MTMR10: variants seen among roughly 807,000 people sequenced by gnomAD.
MTMR10 encodes the protein myotubularin related protein 10.
MTMR10 carries 56 observed loss-of-function variants against 88.1 expected under a neutral mutation model. The ratio of observed to expected loss-of-function variants is 0.64; its 90% confidence interval spans 0.51 to 0.79. The LOEUF is 0.79. Ranked by LOEUF, MTMR10 falls within the 30% of genes least tolerant of loss-of-function variation. The pLI is 0.00. For missense variants in MTMR10, 883 were observed against 924.7 expected (o/e 0.95, Z 0.58); for synonymous variants, 380 against 340.9 (o/e 1.11, Z -1.26).
rs768723181 is a variant in MTMR10 at position 30,954,743 on chromosome 15, T to G, written c.1066+20A>C. 1 of 1,579,256 alleles carries G rather than the reference T, an allele frequency of 6.3e-7. No individual in the cohort carries two copies. The highest frequency in any genetic ancestry group is 1.2e-5 in the South Asian group (1 of 84,700). On this transcript the variant is annotated intron_variant, in intron 10 of 15. Coordinates refer to ENST00000435680, the MANE Select transcript of MTMR10 (RefSeq NM_017762.3). ...CTGTATCCTGTGTTCATTATATATATGAAATAAGAATGAAATTACCATTAA... is the reference window on the plus strand; with the variant it reads ...CTGTATCCTGTGTTCATTATATATAGGAAATAAGAATGAAATTACCATTAA...
intron 12 of MTMR10, 58 bp from the exon 13 acceptor site, chr15:30,948,529 G>C: frequency 2.0e-6 from 3 of 1,504,022 alleles, no homozygotes; most frequent in Non-Finnish European, 1.8e-6. Context: ...AGAGAGAAAG[G>C]GAAGGAAAGG....
intron 2 of MTMR10, among the ~76,000 whole-genome samples, chr15:30,982,526 T>A (rs1414891984): frequency 6.6e-6 from 1 of 151,636 alleles, no homozygotes; most frequent in Non-Finnish European, 1.5e-5. Context: ...AAAGAAGGAC[T>A]CTCTGGGCCA....
In MTMR10 at chr15:30,941,671, C is replaced by T; in HGVS notation, c.2133G>A (p.Leu711=). ...SGPLEACYGE[L]GQSRMYFNAS... ...CGTTGAAGTACATCCTGCTCTGGCC[C>T]AGCTCCCCATAGCAGGCCTCCAGGG... The change falls in exon 16 of 16, where the codon CTG becomes CTA. Residue 711 remains leucine, a synonymous_variant. Coordinates refer to ENST00000435680, the MANE Select transcript of MTMR10 (RefSeq NM_017762.3). 1 of 1,613,424 alleles carries T rather than the reference C, an allele frequency of 6.2e-7. No homozygotes were observed. The highest frequency in any genetic ancestry group is 8.5e-7 in the Non-Finnish European group (1 of 1,179,674).
At chr15:30,976,514 A>G (rs972865639) in intron 3 of MTMR10, among the ~76,000 whole-genome samples, 3 of 152,288 alleles carry the variant, frequency 2.0e-5, no homozygotes, top group Non-Finnish European at 4.4e-5. Flanking sequence ...TCTTTATGTC[A>G]TTTTTATAAG....
chr15:30,955,533 G>A (rs1473341432), intron 9 of MTMR10, among the ~76,000 whole-genome samples: 1 of 151,900 alleles, frequency 6.6e-6, no homozygotes, highest in East Asian at 1.9e-4. Context: ...GCCTCCCAAA[G>A]TGCTGGGATT....
rs756942969 is a variant in MTMR10, at chr15:30,974,911, A to G, written c.331+20T>C. ...CCAGAGTGGAATTGACTTTTAGAGT[A>G]TGTACGGAATACTACGTACCTGTGA... On this transcript the variant is annotated intron_variant, in intron 4 of 15. Transcript: ENST00000435680. 1.5e-5 allele frequency: 22 copies of G among 1,449,400 alleles called. No individual in the cohort carries two copies. In the Admixed American group the frequency reaches 1.9e-4, roughly 13 times the overall value. The allele number at this position is 1,449,400 out of a possible 1,614,324, so 89.8% of individuals were successfully genotyped here.
intron 2 of MTMR10, 80 bp downstream of exon 2, chr15:30,990,697 C>A: frequency 8.4e-7 from 1 of 1,197,302 alleles, no homozygotes; most frequent in Non-Finnish European, 1.2e-6. Context: ...GGAAGTTAAC[C>A]ACATGATACT....
chr15:30,984,751 G>A (rs975314824), intron 2 of MTMR10, among the ~76,000 whole-genome samples: 8 of 152,172 alleles, frequency 5.3e-5, no homozygotes, highest in Non-Finnish European at 1.2e-4. Flanking sequence ...GAATGAAAGT[G>A]CTGTGAGCAC....
the MTMR10 span, chr15:30,925,946 G>A: frequency 1.2e-6 from 2 of 1,613,938 alleles, no homozygotes; most frequent in Non-Finnish European, 1.7e-6. Flanking sequence ...CAGGGTAACT[G>A]AGCAGGCTTT....
intron 9 of MTMR10, 98 bp from the exon 10 acceptor site, chr15:30,954,991 C>G: frequency 9.6e-7 from 1 of 1,037,348 alleles, no homozygotes; most frequent in Non-Finnish European, 1.3e-6. Context: ...AGGAATGAGA[C>G]AGGTAAGGTC....
intron 2 of MTMR10, among the ~76,000 whole-genome samples, chr15:30,987,697 T>A (rs1355011439): frequency 1.3e-5 from 2 of 152,222 alleles, no homozygotes; most frequent in Admixed American, 6.5e-5. Context: ...TTTTTATTTT[T>A]TTTTTTAAGT....
At chr15:30,942,743 T>C in intron 15 of MTMR10, 147 bp downstream of exon 15, 1 of 800,378 alleles carries the variant, frequency 1.2e-6, no homozygotes, top group Non-Finnish European at 1.9e-6. Flanking sequence ...GATACAGTCA[T>C]TTGAGTTAAA....
At chr15:30,987,334 A>G (rs1012958249) in intron 2 of MTMR10, among the ~76,000 whole-genome samples, 5 of 152,254 alleles carry the variant, frequency 3.3e-5, no homozygotes, top group Admixed American at 6.5e-5. Context: ...GCACTTTGTG[A>G]GACATCAAGA....
At chr15:30,933,191 T>A in the MTMR10 span, among the ~76,000 whole-genome samples, 1 of 152,328 alleles carries the variant, frequency 6.6e-6, no homozygotes, top group East Asian at 1.9e-4. Flanking sequence ...TTTGTTTTTT[T>A]ATTTCCTAGT....
chr15:30,971,875 GATA>G (rs1180780702), intron 5 of MTMR10, among the ~76,000 whole-genome samples: 1 of 152,042 alleles, frequency 6.6e-6, no homozygotes, highest in Admixed American at 6.6e-5. Flanking sequence ...ACAGCTCGAG[GATA>G]ATGAGGATGA....
chr15:30,945,009 T>TAA lies in MTMR10; in HGVS notation c.1549-1939_1549-1938dup, dbSNP rs77847532. 5.4e-3 allele frequency among the ~76,000 whole-genome samples: 748 copies of TAA among 137,636 alleles called. 7 individuals carry two copies. Among genetic ancestry groups the TAA allele is most frequent in the African/African-American group, 0.018 (680 of 37,616 alleles). The allele number at this position is 137,636 out of a possible 152,430, so 90.3% of individuals were successfully genotyped here. A position where few individuals can be genotyped will look rare whatever the true frequency, so the allele number is the denominator to read the frequency against. The stretch of plus-strand genomic sequence containing the variant: ...CCTGGGTGACAGAGCCAAACTGTCT[T>TAA]AAAAAAAAAAAAAAAGATGTTCTCT... On this transcript the variant is annotated intron_variant, in intron 14 of 15. Transcript: ENST00000435680.
intron 2 of MTMR10, among the ~76,000 whole-genome samples, chr15:30,988,547 C>T (rs1340692191): frequency 6.6e-6 from 1 of 151,458 alleles, no homozygotes; most frequent in South Asian, 2.1e-4. Flanking sequence ...AAGAAAAGCA[C>T]AGTCAGAAAC....
rs959227027 is a variant in MTMR10 at position 30,938,952 on chromosome 15, T to A, written c.*2518A>T. 4 of 985,328 alleles carry A rather than the reference T, an allele frequency of 4.1e-6. No homozygotes were observed. The African/African-American group carries it at 7.0e-5, about 17-fold the overall frequency. 61.0% of individuals were successfully genotyped at this position (985,328 alleles called of 1,614,324 possible). On this transcript the variant is annotated 3_prime_UTR_variant, in exon 16 of 16. Transcript: ENST00000435680. ...TACTGACAACAACAAACAGTCGCTG[T>A]GGAATTTTATTAAGCCATCAAAATT...
chr15:30,957,058 C>T (rs977017462), intron 9 of MTMR10, among the ~76,000 whole-genome samples: 2 of 152,130 alleles, frequency 1.3e-5, no homozygotes, highest in Non-Finnish European at 2.9e-5. Context: ...CTGTCAGTTA[C>T]GGTACAGTGG....
Sources: allele counts gnomAD v4.1 joint callset (sites outside exome capture counted in the v4.1 genomes callset), GRCh38; gene constraint gnomAD v4.1.1; transcripts MANE v1.5; gene names NCBI Gene and HGNC (gene_info 2026-07-23, HGNC 2026-07-21).